CSGALNACT1: variants seen among roughly 807,000 people sequenced by gnomAD.
CSGALNACT1 encodes chondroitin sulfate N-acetylgalactosaminyltransferase 1, also known as beta4GalNAcT-1.
Under a neutral mutation model 51.0 loss-of-function variants are expected in CSGALNACT1, and 52 were observed. The ratio of observed to expected loss-of-function variants is 1.02; its 90% CI spans 0.82 to 1.29. The LOEUF (loss-of-function observed/expected upper bound fraction) is 1.29. CSGALNACT1 is among the 50% of genes most tolerant of loss of function. The pLI is 0.00. For missense variants in CSGALNACT1, 935 were observed against 679.2 expected (o/e 1.38, Z -4.19); for synonymous variants, 341 against 254.4 (o/e 1.34, Z -3.24).
chr8:19,447,232 A>G (rs1026941691), intron 5 of CSGALNACT1, among the ~76,000 whole-genome samples: 3 of 152,192 alleles, frequency 2.0e-5, no homozygotes, highest in African/African-American at 7.2e-5. Flanking sequence ...CCTGAGCCAC[A>G]TGAGGAATGC....
chr8:19,682,299 A>G (rs1249562107), intron 1 of CSGALNACT1, among the ~76,000 whole-genome samples: 1 of 152,124 alleles, frequency 6.6e-6, no homozygotes, highest in Non-Finnish European at 1.5e-5. Flanking sequence ...TTGGGCCGCT[A>G]GGCAATGTGC....
At chr8:19,633,107 G>A (rs749875706) in intron 1 of CSGALNACT1, among the ~76,000 whole-genome samples, 2 of 151,808 alleles carry the variant, frequency 1.3e-5, no homozygotes, top group African/African-American at 2.4e-5. Flanking sequence ...TTTGGGGGCT[G>A]GTAAGAATAA....
intron 1 of CSGALNACT1, among the ~76,000 whole-genome samples, chr8:19,612,490 G>T (rs2052400563): frequency 6.6e-6 from 1 of 152,034 alleles, no homozygotes. Context: ...AAGATCATCT[G>T]TTCACAAGGA....
rs77615322 is a variant in CSGALNACT1 at position 19,577,341 on chromosome 8, C to T, written c.-297+13819G>A. On this transcript the variant is annotated intron_variant, in intron 3 of 9. Coordinates refer to ENST00000454498, the Ensembl canonical transcript of CSGALNACT1. ...GCTTTGGGAGGTCAAGGCAGGGGGA[C>T]GGCTTGAGGCCAGGGGTTTGAGAGC... Among the ~76,000 whole-genome samples the T allele has an allele frequency of 9.1e-3, 1,359 of 150,108 alleles. 22 individuals are homozygous for T. Among genetic ancestry groups the T allele is most frequent in the African/African-American group, 0.032 (1,282 of 40,266 alleles).
intron 3 of CSGALNACT1, among the ~76,000 whole-genome samples, chr8:19,551,260 TTGA>T (rs1251943727): frequency 2.6e-5 from 4 of 152,204 alleles, no homozygotes; most frequent in Non-Finnish European, 4.4e-5. Context: ...GACTTGCTCA[TTGA>T]TGAGTGACCT....
At chr8:19,428,825 ATGTGTGTGTGTGTGTGTGTGTGTG>A (rs59241616) in intron 6 of CSGALNACT1, among the ~76,000 whole-genome samples, 12 of 143,462 alleles carry the variant, frequency 8.4e-5, no homozygotes, top group East Asian at 6.1e-4. Flanking sequence ...AAGACATGAT[ATGTGTGTGTGTGTGTGTGTGTGTG>A]TGTGTGTGTG....
upstream of CSGALNACT1, among the ~76,000 whole-genome samples, chr8:19,683,945 C>G (rs950020904): frequency 6.6e-6 from 1 of 152,084 alleles, no homozygotes; most frequent in Non-Finnish European, 1.5e-5. Flanking sequence ...GCAGGTGGAT[C>G]ATCTGAGGTC....
intron 6 of CSGALNACT1, among the ~76,000 whole-genome samples, chr8:19,425,678 G>A (rs989239595): frequency 1.3e-5 from 2 of 152,112 alleles, no homozygotes; most frequent in Admixed American, 6.5e-5. Flanking sequence ...ATGCTCCTGT[G>A]GTTTGTGATT....
intron 2 of CSGALNACT1, among the ~76,000 whole-genome samples, chr8:19,597,290 T>C (rs979901518): frequency 7.6e-5 from 1 of 13,150 alleles, no homozygotes; most frequent in African/African-American, 3.0e-4. Context: ...TCTTTCTTTT[T>C]TTTTTTTTTT....
At chr8:19,427,932 G>A (rs951349173) in intron 6 of CSGALNACT1, among the ~76,000 whole-genome samples, 1 of 152,134 alleles carries the variant, frequency 6.6e-6, no homozygotes, top group African/African-American at 2.4e-5. Flanking sequence ...GTATCTCCCT[G>A]TGCCCCAGGT....
intron 5 of CSGALNACT1, among the ~76,000 whole-genome samples, chr8:19,458,024 C>T (rs1277274452): frequency 1.3e-5 from 2 of 152,192 alleles, no homozygotes; most frequent in East Asian, 1.9e-4. Context: ...CATAGCTCGC[C>T]AACTGTCAAC....
At chr8:19,634,412 C>T (rs780310390) in intron 1 of CSGALNACT1, among the ~76,000 whole-genome samples, 4 of 152,046 alleles carry the variant, frequency 2.6e-5, no homozygotes, top group Non-Finnish European at 4.4e-5. Flanking sequence ...GCCTGTAATC[C>T]CAGCAGAGAG....
chr8:19,435,714 T>C (rs937205252), intron 6 of CSGALNACT1, among the ~76,000 whole-genome samples: 2 of 152,136 alleles, frequency 1.3e-5, no homozygotes, highest in African/African-American at 4.8e-5. Flanking sequence ...AGCATGTTAA[T>C]AATGAAGAAC....
chr8:19,591,817 T>A (rs2047885922), intron 2 of CSGALNACT1, among the ~76,000 whole-genome samples: 1 of 152,148 alleles, frequency 6.6e-6, no homozygotes, highest in African/African-American at 2.4e-5. Flanking sequence ...CAATTCTTAT[T>A]AGTTTTAGGG....
At chr8:19,742,323 T>C (rs937829831) in intron 1 of CSGALNACT1, among the ~76,000 whole-genome samples, 1 of 152,222 alleles carries the variant, frequency 6.6e-6, no homozygotes, top group Admixed American at 6.5e-5. Context: ...CAGTGCCGTA[T>C]AAACTGAATA....
chr8:19,635,653 A>G (rs2055941816), intron 1 of CSGALNACT1, among the ~76,000 whole-genome samples: 1 of 152,122 alleles, frequency 6.6e-6, no homozygotes, highest in African/African-American at 2.4e-5. Context: ...TTCATAAAGG[A>G]GGGATGGGCA....
chr8:19,513,091 AC>A (rs1450223112), intron 3 of CSGALNACT1, among the ~76,000 whole-genome samples: 1 of 151,970 alleles, frequency 6.6e-6, no homozygotes, highest in Non-Finnish European at 1.5e-5. Context: ...TTGACTCATC[AC>A]CATGTCAACA....
intron 6 of CSGALNACT1, among the ~76,000 whole-genome samples, chr8:19,436,752 T>C (rs1461840204): frequency 6.6e-6 from 1 of 151,894 alleles, no homozygotes; most frequent in Non-Finnish European, 1.5e-5. Flanking sequence ...ACAAAAACTA[T>C]ATATAAAAAT....
intron 1 of CSGALNACT1, among the ~76,000 whole-genome samples, chr8:19,644,154 G>T (rs1353216389): frequency 1.3e-5 from 2 of 152,072 alleles, no homozygotes; most frequent in Non-Finnish European, 2.9e-5. Flanking sequence ...TAATGTGTTG[G>T]AGTCTCAAGT....
Sources: gnomAD v4.1 joint callset for allele counts (sites outside exome capture counted in the v4.1 genomes callset) on GRCh38, gnomAD v4.1.1 for gene constraint, MANE v1.5 for transcripts, NCBI Gene and HGNC (gene_info 2026-07-23, HGNC 2026-07-21) for gene names.